The following CPNE8 variants were observed in gnomAD, a reference collection of about 807,000 sequenced individuals.
CPNE8 encodes copine-8.
Under a neutral mutation model 81.5 loss-of-function variants are expected in CPNE8, and 45 were observed. That is an observed-to-expected ratio of 0.55 (90% CI 0.44 to 0.71). The LOEUF is 0.71. Ranked by LOEUF, CPNE8 falls within the 30% of genes least tolerant of loss-of-function variation. The pLI is 0.00. For missense variants in CPNE8, 594 were observed against 672.1 expected (o/e 0.88, Z 1.28); for synonymous variants, 252 against 226.3 (o/e 1.11, Z -1.02).
intron 6 of CPNE8, among the ~76,000 whole-genome samples, chr12:38,799,913 C>T (rs1244528174): frequency 5.3e-5 from 8 of 151,794 alleles, no homozygotes; most frequent in South Asian, 2.1e-4. Flanking sequence ...CCTGGAAAAT[C>T]GGGTCACTCC....
chr12:38,859,260 A>G (rs1943792750), intron 3 of CPNE8, among the ~76,000 whole-genome samples: 1 of 152,126 alleles, frequency 6.6e-6, no homozygotes, highest in Admixed American at 6.6e-5. Context: ...CAGATACGAA[A>G]TCTATATACA....
At chr12:38,796,739 G>A (rs1210211200) in intron 6 of CPNE8, among the ~76,000 whole-genome samples, 1 of 152,142 alleles carries the variant, frequency 6.6e-6, no homozygotes, top group East Asian at 1.9e-4. Flanking sequence ...AAAGCAGGGT[G>A]AGGAATTGCC....
At chr12:38,733,705 A>C (rs1022552715) in intron 10 of CPNE8, among the ~76,000 whole-genome samples, 1 of 151,920 alleles carries the variant, frequency 6.6e-6, no homozygotes, top group Non-Finnish European at 1.5e-5. Flanking sequence ...TGTGTTATTT[A>C]AAGTCTGAGG....
intron 1 of CPNE8, among the ~76,000 whole-genome samples, chr12:38,883,745 G>A (rs79553881): frequency 0.018 from 2,698 of 152,238 alleles, 80 homozygotes; most frequent in African/African-American, 0.061. Flanking sequence ...TTACCAAGAA[G>A]AACTCAAAAC....
intron 10 of CPNE8, among the ~76,000 whole-genome samples, chr12:38,733,176 A>G (rs144584433): frequency 5.7e-4 from 87 of 152,102 alleles, no homozygotes; most frequent in African/African-American, 2.0e-3. Flanking sequence ...AGATAAGTAG[A>G]TAGATTCTCA....
intron 6 of CPNE8, among the ~76,000 whole-genome samples, chr12:38,820,993 T>G (rs1036086632): frequency 2.0e-5 from 3 of 152,194 alleles, no homozygotes. Flanking sequence ...AACATATTTT[T>G]CATCTGTCCA....
chr12:38,707,564 T>G (rs370987356), intron 13 of CPNE8, among the ~76,000 whole-genome samples: 2 of 152,138 alleles, frequency 1.3e-5, no homozygotes, highest in African/African-American at 4.8e-5. Flanking sequence ...AAAAGGTGGA[T>G]GCATTCATTT....
chr12:38,822,824 G>A (rs900669932), intron 6 of CPNE8, among the ~76,000 whole-genome samples: 2 of 152,118 alleles, frequency 1.3e-5, no homozygotes, highest in Non-Finnish European at 1.5e-5. Flanking sequence ...TAGTAGCAGA[G>A]ATAGGACTAA....
chr12:38,708,379 A>G (rs895174306), intron 13 of CPNE8, among the ~76,000 whole-genome samples: 3 of 151,844 alleles, frequency 2.0e-5, no homozygotes, highest in African/African-American at 7.2e-5. Context: ...GTCAAAGTAA[A>G]AAAAAAATCC....
chr12:38,812,279 G>A (rs571784174), intron 6 of CPNE8, among the ~76,000 whole-genome samples: 30 of 152,316 alleles, frequency 2.0e-4, no homozygotes, highest in African/African-American at 7.0e-4. Flanking sequence ...ATGGTACAGT[G>A]TTGGTATATT....
chr12:38,677,036 G>T (rs1939305552), intron 17 of CPNE8, among the ~76,000 whole-genome samples: 1 of 151,944 alleles, frequency 6.6e-6, no homozygotes, highest in South Asian at 2.1e-4. Flanking sequence ...TGAGCAGGAT[G>T]GTTTTTTAAT....
At chr12:38,784,906 A>C (rs1407239606) in intron 6 of CPNE8, among the ~76,000 whole-genome samples, 1 of 152,150 alleles carries the variant, frequency 6.6e-6, no homozygotes, top group African/African-American at 2.4e-5. Flanking sequence ...CAGAAAGAAA[A>C]GGACCTTGCC....
At chr12:38,785,890 A>G (rs1341358420) in intron 6 of CPNE8, among the ~76,000 whole-genome samples, 1 of 152,226 alleles carries the variant, frequency 6.6e-6, no homozygotes, top group Non-Finnish European at 1.5e-5. Flanking sequence ...CTTAGTAACC[A>G]CAAACAAGAA....
At position 38,760,845 on chromosome 12, in the gene CPNE8, AC is replaced by A; in HGVS notation, c.722+1del. 1.3e-6 allele frequency: 2 copies of A among 1,594,498 alleles called. No individual in the cohort carries two copies. The highest frequency in any genetic ancestry group is 1.7e-6 in the Non-Finnish European group (2 of 1,171,832). The stretch of plus-strand genomic sequence containing the variant: ...AGAGTAAGAAGATAAGAACTGTCTT[AC>A]CTTCCATCTCGGTCCCAGTCATACA... On this transcript the variant is annotated splice_donor_variant, in intron 10 of 19. Transcript: ENST00000331366. LOFTEE classifies it high-confidence loss of function.
intron 19 of CPNE8, among the ~76,000 whole-genome samples, chr12:38,659,430 G>C (rs941230952): frequency 6.6e-6 from 1 of 152,122 alleles, no homozygotes; most frequent in Non-Finnish European, 1.5e-5. Context: ...AAGAGACTTA[G>C]ACTCCCACAC....
chr12:38,867,331 TGTGTGTGTGAGA>T (rs1250131962), intron 3 of CPNE8, among the ~76,000 whole-genome samples: 67 of 143,900 alleles, frequency 4.7e-4, no homozygotes, highest in African/African-American at 1.8e-3. Flanking sequence ...TGTGTGTGTG[TGTGTGTGTGAGA>T]GAGAGAGAGA....
At chr12:38,898,929 G>C (rs1035476155) in intron 1 of CPNE8, among the ~76,000 whole-genome samples, 12 of 152,112 alleles carry the variant, frequency 7.9e-5, no homozygotes, top group African/African-American at 2.9e-4. Context: ...AAGAGGGAAA[G>C]AAAAATACAA....
At chr12:38,789,711 A>G (rs1942278897) in intron 6 of CPNE8, among the ~76,000 whole-genome samples, 1 of 151,966 alleles carries the variant, frequency 6.6e-6, no homozygotes, top group Admixed American at 6.6e-5. Context: ...CAAGGGATTC[A>G]TAATCAGAAT....
At chr12:38,721,420 G>T (rs1423325860) in intron 13 of CPNE8, among the ~76,000 whole-genome samples, 2 of 152,046 alleles carry the variant, frequency 1.3e-5, no homozygotes, top group Non-Finnish European at 2.9e-5. Context: ...CCCACTCCAG[G>T]GTCCCCTCTC....
Sources: gnomAD v4.1 joint callset for allele counts (sites outside exome capture counted in the v4.1 genomes callset) on GRCh38, gnomAD v4.1.1 for gene constraint, MANE v1.5 for transcripts, NCBI Gene and HGNC (gene_info 2026-07-23, HGNC 2026-07-21) for gene names.